A4GNT: variants seen among roughly 807,000 people sequenced by gnomAD.
The protein encoded by A4GNT is alpha-1,4-N-acetylglucosaminyltransferase.
Under a neutral mutation model 8.3 loss-of-function variants are expected in A4GNT, and 6 were observed. That is an observed-to-expected ratio of 0.72 (90% CI 0.39 to 1.42). The LOEUF (loss-of-function observed/expected upper bound fraction) is 1.42. Among genes scored for constraint, A4GNT ranks in the 40% most tolerant of loss-of-function variants. The probability of loss-of-function intolerance (pLI) is 0.02; values close to 1 mark genes in which losing one functional copy is unlikely to be tolerated. For synonymous variants in A4GNT, 157 were observed against 159.8 expected, an observed-to-expected ratio of 0.98 and a Z score of 0.13; for missense variants, 377 against 417.0, an observed-to-expected ratio of 0.90 and a Z score of 0.84.
chr3:138,129,323 A>G (rs537774491), intron 2 of A4GNT, among the ~76,000 whole-genome samples: 2 of 152,150 alleles, frequency 1.3e-5, no homozygotes, highest in African/African-American at 2.4e-5. Flanking sequence ...TGCAATCACA[A>G]GTGTCATTTA....
chr3:138,126,157 G>A (rs1042289249), intron 2 of A4GNT, among the ~76,000 whole-genome samples: 1 of 152,124 alleles, frequency 6.6e-6, no homozygotes, highest in Non-Finnish European at 1.5e-5. Flanking sequence ...GGTGCTAACA[G>A]TGGGGGTGAG....
In A4GNT at chr3:138,130,757, T is replaced by G. The variant is rs542649352; in HGVS notation, c.408+92A>C. On this transcript the variant is annotated intron_variant, in intron 2 of 2. Transcript: ENST00000236709. ...GGCCAAATGAGAGTCAACCCAAATG[T>G]GGGTTCTATTCCCATCTCCGACCTG... 6 of 1,394,940 alleles carry G rather than the reference T, an allele frequency of 4.3e-6. No individual in the cohort carries two copies. The Admixed American group carries it at 1.4e-4, about 32-fold the overall frequency. The allele number at this position is 1,394,940 out of a possible 1,614,324, so 86.4% of individuals were successfully genotyped here.
chr3:138,130,591 C>T (rs1241919004), intron 2 of A4GNT, among the ~76,000 whole-genome samples: 1 of 151,880 alleles, frequency 6.6e-6, no homozygotes, highest in Non-Finnish European at 1.5e-5. Flanking sequence ...GATATAAAAA[C>T]TCATTCAGTT....
At chr3:138,129,664 C>T (rs747669983) in intron 2 of A4GNT, among the ~76,000 whole-genome samples, 1 of 152,202 alleles carries the variant, frequency 6.6e-6, no homozygotes, top group Non-Finnish European at 1.5e-5. Context: ...CTCAATTTTA[C>T]CACCTTAGCC....
rs745338647 is a variant in A4GNT, at chr3:138,131,043, C to T, written c.214G>A (p.Glu72Lys). The change falls in exon 2 of 3, where the codon GAG (glutamate) becomes AAG (lysine). Residue 72 changes from glutamate to lysine, a missense_variant. Glu to Lys is a moderately conservative substitution (Grantham distance 56). Coordinates refer to ENST00000236709, the MANE Select transcript of A4GNT (RefSeq NM_016161.3). ...EPPHLVSCSV[E>K]SAAKIYPEWP... ...TCAGGATAAATCTTGGCAGCAGACTCTACGGAACAGGAGACCAAATGGGGT... is the reference window on the plus strand; with the variant it reads ...TCAGGATAAATCTTGGCAGCAGACTTTACGGAACAGGAGACCAAATGGGGT... The T allele has an allele frequency of 9.9e-6, 16 of 1,614,092 alleles. No individual in the cohort carries two copies. The South Asian group carries it at 1.4e-4, about 14-fold the overall frequency.
Position 138,124,394 on chromosome 3 carries a change from C to A in A4GNT, c.893G>T (p.Arg298Leu). Residue 298 changes from arginine to leucine, a missense_variant, in exon 3 of 3, where the codon CGG becomes CTG. Coordinates refer to ENST00000236709, the MANE Select transcript of A4GNT (RefSeq NM_016161.3). ...TGTGTTGCTTCCTCTAATCACAGCCCGCCCCTCCTGGTTCATGTGGTTCCA... is the reference window on the plus strand; with the variant it reads ...TGTGTTGCTTCCTCTAATCACAGCCAGCCCCTCCTGGTTCATGTGGTTCCA... The part of the protein sequence containing the change: ...HLWNHMNQEG[R>L]AVIRGSNTLV... 1 of 1,614,222 alleles carries A rather than the reference C, an allele frequency of 6.2e-7. No homozygotes were observed. The highest frequency in any genetic ancestry group is 1.6e-4 in the Middle Eastern group (1 of 6,062).
upstream of A4GNT, among the ~76,000 whole-genome samples, chr3:138,132,802 A>G (rs2042785804): frequency 2.0e-5 from 3 of 152,230 alleles, no homozygotes; most frequent in African/African-American, 7.2e-5. Flanking sequence ...ATCACCACAA[A>G]TAAGCAATGA....
chr3:138,124,407 T>C lies in A4GNT; in HGVS notation c.880A>G (p.Asn294Asp). Residue 294 changes from asparagine (N) to aspartate (D), a missense_variant, in exon 3 of 3, where the codon AAC becomes GAC. Coordinates refer to ENST00000236709, the MANE Select transcript of A4GNT (RefSeq NM_016161.3). ...SYALHLWNHM[N>D]QEGRAVIRGS... ...CTAATCACAGCCCGCCCCTCCTGGTTCATGTGGTTCCACAAATGCAGGGCA... is the reference window on the plus strand; with the variant it reads ...CTAATCACAGCCCGCCCCTCCTGGTCCATGTGGTTCCACAAATGCAGGGCA... 6.2e-7 allele frequency: 1 copy of C among 1,614,226 alleles called. No homozygotes were observed. Among genetic ancestry groups the C allele is most frequent in the Non-Finnish European group, 8.5e-7 (1 of 1,180,038 alleles).
Position 138,131,177 on chromosome 3 carries a change from G to C in A4GNT, c.80C>G (p.Ser27Cys), listed in dbSNP as rs75910014. The change falls in exon 2 of 3, where the codon TCC (serine) becomes TGC (cysteine). Residue 27 changes from serine (S) to cysteine (C), a missense_variant. Coordinates refer to ENST00000236709, the MANE Select transcript of A4GNT (RefSeq NM_016161.3). ...CGFLYQFTLK[S>C]SCLFCLPSFK... ...AGAAGGCAAACAGAAGAGGCAGCTG[G>C]ACTTCAGGGTGAACTGGTAGAGGAA... 1,677 of 1,613,324 alleles carry C rather than the reference G, an allele frequency of 1.0e-3. 15 individuals carry two copies. In the African/African-American group the frequency reaches 0.018, roughly 17 times the overall value.
intron 2 of A4GNT, among the ~76,000 whole-genome samples, chr3:138,126,961 C>G (rs937661849): frequency 1.3e-5 from 2 of 149,988 alleles, no homozygotes; most frequent in African/African-American, 2.5e-5. Flanking sequence ...GAAACCCTAT[C>G]TCTACTAAAA....
chr3:138,128,325 G>T (rs2042757640), intron 2 of A4GNT, among the ~76,000 whole-genome samples: 1 of 152,088 alleles, frequency 6.6e-6, no homozygotes, highest in Admixed American at 6.5e-5. Context: ...GGTTTGATTG[G>T]CTCACGGTTC....
At chr3:138,132,453 G>A (rs1011106400), upstream of A4GNT, 1 of 152,110 alleles carries the variant, frequency 6.6e-6, no homozygotes, top group African/African-American at 2.4e-5. Context: ...ACAACACAGG[G>A]GTAAGTAAAT....
chr3:138,132,893 G>T (rs2042786320), upstream of A4GNT, among the ~76,000 whole-genome samples: 2 of 152,344 alleles, frequency 1.3e-5, 1 homozygote, highest in South Asian at 4.1e-4. Context: ...CTGCAGGAAG[G>T]CTCCTTTTTC....
chr3:138,130,947 C>G lies in A4GNT; in HGVS notation c.310G>C (p.Ala104Pro), dbSNP rs746765706. 1 of 1,614,078 alleles carries G rather than the reference C, an allele frequency of 6.2e-7. No homozygotes were observed. The highest frequency in any genetic ancestry group is 8.5e-7 in the Non-Finnish European group (1 of 1,180,004). ...TCTATTGCTGACAGGAAGGAAAAAG[C>G]TGGGTATGTGGAGTTTGAGGGCATC... is the stretch of plus-strand genomic sequence containing the variant. Reference protein sequence around the residue: ...TPMPSNSTYPAFSFLSAIDNV... With the variant: ...TPMPSNSTYPPFSFLSAIDNV... The change falls in exon 2 of 3, where the codon GCT (alanine) becomes CCT (proline). Residue 104 changes from alanine to proline, a missense_variant. By Grantham distance (27) the Ala-to-Pro change is conservative (BLOSUM62 -1). Coordinates refer to ENST00000236709, the MANE Select transcript of A4GNT (RefSeq NM_016161.3).
At chr3:138,124,925 G>C (rs2107884017) in intron 2 of A4GNT, 47 bp from the exon 3 acceptor site, 1 of 1,581,280 alleles carries the variant, frequency 6.3e-7, no homozygotes, top group South Asian at 1.2e-5. Flanking sequence ...GGGGAAGAGG[G>C]AGGGGCATCA....
At chr3:138,128,332 G>A (rs2042757738) in intron 2 of A4GNT, among the ~76,000 whole-genome samples, 1 of 152,102 alleles carries the variant, frequency 6.6e-6, no homozygotes, top group African/African-American at 2.4e-5. Flanking sequence ...TTGGCTCACG[G>A]TTCTGCAGGC....
Position 138,130,859 on chromosome 3 carries a change from C to G in A4GNT, c.398G>C (p.Trp133Ser). Residue 133 changes from tryptophan (W) to serine (S), a missense_variant, in exon 2 of 3, where the codon TGG (tryptophan) becomes TCG (serine). Transcript: ENST00000236709. ...TCCCTAAACACTTACTTGATTGTAC[C>G]ATGAAAACAATGGTGTGTCTTCAAG... ...RLLEDTPLFS[W>S]YNQINASAER... The G allele has an allele frequency of 1.2e-6, 2 of 1,613,758 alleles. No individual in the cohort carries two copies. The highest frequency in any genetic ancestry group is 1.7e-6 in the Non-Finnish European group (2 of 1,179,854).
rs1336246812 is a variant in A4GNT at position 138,132,298 on chromosome 3, A to G, written c.-113T>C. On this transcript the variant is annotated 5_prime_UTR_variant, in exon 1 of 3. The change abolishes an upstream ATG in the 5' untranslated region. Coordinates refer to ENST00000236709, the MANE Select transcript of A4GNT (RefSeq NM_016161.3). The stretch of plus-strand genomic sequence containing the variant: ...TTGGCAGGTCTATCTTTCAAATTAC[A>G]TATAACCCTTTTAGAAAATACAAAA... 1.3e-5 allele frequency: 2 copies of G among 152,222 alleles called. No individual in the cohort carries two copies. Among genetic ancestry groups the G allele is most frequent in the African/African-American group, 2.4e-5 (1 of 41,458 alleles). 9.4% of individuals were successfully genotyped at this position (152,222 alleles called of 1,614,324 possible).
In A4GNT at chr3:138,130,872, G is replaced by C. The variant is rs372678410; in HGVS notation, c.385C>G (p.Pro129Ala). The C allele has an allele frequency of 1.9e-6, 3 of 1,614,078 alleles. No homozygotes were observed. The highest frequency in any genetic ancestry group is 2.2e-5 in the East Asian group (1 of 44,882). The change falls in exon 2 of 3, where the codon CCA becomes GCA. Residue 129 changes from proline (P) to alanine (A), a missense_variant. Pro to Ala is a conservative substitution (Grantham distance 27, BLOSUM62 -1). Coordinates refer to ENST00000236709, the MANE Select transcript of A4GNT (RefSeq NM_016161.3). ...LDMKRLLEDT[P>A]LFSWYNQINA... is the part of the protein sequence containing the mutation. Reference sequence around the variant, plus strand: ...ACTTGATTGTACCATGAAAACAATGGTGTGTCTTCAAGCAGCCTTTTCATA... The same window carrying C: ...ACTTGATTGTACCATGAAAACAATGCTGTGTCTTCAAGCAGCCTTTTCATA...
Sources: allele counts gnomAD v4.1 joint callset (sites outside exome capture counted in the v4.1 genomes callset), GRCh38; gene constraint gnomAD v4.1.1; transcripts MANE v1.5; gene names NCBI Gene and HGNC (gene_info 2026-07-23, HGNC 2026-07-21).